The following NPHS1 variants were observed in gnomAD, a reference collection of about 807,000 sequenced individuals.
The protein encoded by NPHS1 is nephrin.
In NPHS1, 107 loss-of-function variants were observed where a neutral mutation model predicts 139.7. The observed-to-expected ratio is 0.77, with a 90% confidence interval of 0.66 to 0.90. The LOEUF is 0.90. Among genes scored for constraint, NPHS1 ranks in the 40% least tolerant of loss-of-function variants. The probability of loss-of-function intolerance (pLI) is 0.00; values close to 1 mark genes in which losing one functional copy is unlikely to be tolerated. For missense variants in NPHS1, 1,580 were observed against 1,654.2 expected, an observed-to-expected ratio of 0.96 and a Z score of 0.78; for synonymous variants, 707 against 706.6, an observed-to-expected ratio of 1.00 and a Z score of -0.01.
At position 35,842,259 on chromosome 19, in the gene NPHS1, G is replaced by T; in HGVS notation, c.2528C>A (p.Pro843His). Reference sequence around the variant, plus strand: ...TGCAGCCACCTTAGTTAGGGGAGTGGGGTGCTCCACCTGGGGGGCAACTGG... The same window carrying T: ...TGCAGCCACCTTAGTTAGGGGAGTGTGGTGCTCCACCTGGGGGGCAACTGG... ...VVRFAPQVEH[P>H]TPLTKVAAAG... The change falls in exon 19 of 29, where the codon CCC (proline) becomes CAC (histidine). Residue 843 changes from proline (P) to histidine (H), a missense_variant. By Grantham distance (77) the Pro-to-His change is moderately conservative. Coordinates refer to ENST00000378910, the MANE Select transcript of NPHS1 (RefSeq NM_004646.4). 6.2e-7 allele frequency: 1 copy of T among 1,613,102 alleles called. No individual in the cohort carries two copies.
At chr19:35,840,648 A>G (rs1973041939) in intron 20 of NPHS1, among the ~76,000 whole-genome samples, 1 of 147,798 alleles carries the variant, frequency 6.8e-6, no homozygotes. Flanking sequence ...GGTTTCTTTA[A>G]ACGTCTCATC....
chr19:35,848,883 A>T, intron 8 of NPHS1, 89 bp from the exon 9 acceptor site: 1 of 1,610,422 alleles, frequency 6.2e-7, no homozygotes, highest in African/African-American at 1.3e-5. Context: ...AGATGCTGAG[A>T]TCTTTGGCAT....
chr19:35,831,493 T>C lies in NPHS1; in HGVS notation c.3294A>G (p.Ser1098=), dbSNP rs1568449216. ...RRLRRLAEGI[S]EKTEAGSEED... ...CCACTTACCCTGCCTCTGTCTTCTCTGAGATGCCTGAAGGAAACAGGAATA... is the reference window on the plus strand; with the variant it reads ...CCACTTACCCTGCCTCTGTCTTCTCCGAGATGCCTGAAGGAAACAGGAATA... The change falls in exon 25 of 29, where the codon TCA becomes TCG. Residue 1098 remains serine, a synonymous_variant. Transcript: ENST00000378910. The C allele has an allele frequency of 6.2e-7, 1 of 1,613,788 alleles. No individual in the cohort carries two copies. The highest frequency in any genetic ancestry group is 8.5e-7 in the Non-Finnish European group (1 of 1,179,930).
At chr19:35,840,252 G>A (rs1414140897) in intron 20 of NPHS1, among the ~76,000 whole-genome samples, 2 of 151,614 alleles carry the variant, frequency 1.3e-5, no homozygotes, top group South Asian at 2.1e-4. Context: ...TGATCCACCC[G>A]CCTTGGCCTC....
intron 16 of NPHS1, 145 bp downstream of exon 16, chr19:35,843,958 G>T: frequency 8.5e-7 from 1 of 1,183,428 alleles, no homozygotes; most frequent in Non-Finnish European, 1.2e-6. Flanking sequence ...AGTGGGCGTG[G>T]TTACACCGCG....
chr19:35,851,396 G>T lies in NPHS1; in HGVS notation c.275-12C>A. 1 of 1,612,816 alleles carries T rather than the reference G, an allele frequency of 6.2e-7. No individual in the cohort carries two copies. Among genetic ancestry groups the T allele is most frequent in the Non-Finnish European group, 8.5e-7 (1 of 1,179,612 alleles). ...CAGGTGGAATTCACCTGCAGGGGGA[G>T]CCGGAAGTCAGGGCCGCAGCTTCCG... is the stretch of plus-strand genomic sequence containing the variant. On this transcript the variant is annotated splice_polypyrimidine_tract_variant and intron_variant, in intron 2 of 28. Transcript: ENST00000378910.
intron 28 of NPHS1, among the ~76,000 whole-genome samples, chr19:35,827,228 G>A (rs1359726125): frequency 1.3e-5 from 2 of 151,626 alleles, no homozygotes; most frequent in Non-Finnish European, 2.9e-5. Context: ...CGATCCACCC[G>A]TCTCAGCCTC....
At chr19:35,833,991 T>C (rs561829092) in intron 23 of NPHS1, among the ~76,000 whole-genome samples, 1 of 152,326 alleles carries the variant, frequency 6.6e-6, no homozygotes, top group African/African-American at 2.4e-5. Context: ...CATGAGCCAC[T>C]GTGCCCAGCC....
Position 35,835,715 on chromosome 19 carries a change from C to T in NPHS1, c.3156G>A (p.Glu1052=), listed in dbSNP as rs773815898. The T allele has an allele frequency of 6.2e-7, 1 of 1,613,578 alleles. No individual in the cohort carries two copies. Among genetic ancestry groups the T allele is most frequent in the Non-Finnish European group, 8.5e-7 (1 of 1,179,766 alleles). The change falls in exon 23 of 29, where the codon GAG becomes GAA. Residue 1052 remains glutamate (E), a synonymous_variant. Transcript: ENST00000378910. The stretch of plus-strand genomic sequence containing the variant: ...GGACTGAGGACTTGCCTGAAGGTGG[C>T]TCTGTGGGCAGCTGGTCTTCAGGTT... ...SGEPEDQLPT[E]PPSGPSGLPL...
chr19:35,832,361 TAGTG>T (rs1972895840), intron 23 of NPHS1, among the ~76,000 whole-genome samples: 1 of 152,030 alleles, frequency 6.6e-6, no homozygotes, highest in Non-Finnish European at 1.5e-5. Context: ...CTAGGCAACA[TAGTG>T]AGGCTGATTC....
chr19:35,847,638 G>A (rs899524213), intron 11 of NPHS1, among the ~76,000 whole-genome samples: 1 of 149,982 alleles, frequency 6.7e-6, no homozygotes, highest in South Asian at 2.1e-4. Flanking sequence ...TTACAGGCGT[G>A]AGCCACTGTG....
At chr19:35,847,308 G>C (rs893746780) in intron 11 of NPHS1, among the ~76,000 whole-genome samples, 1 of 143,268 alleles carries the variant, frequency 7.0e-6, no homozygotes, top group African/African-American at 2.6e-5. Context: ...GCCTCCCAAA[G>C]TGCTGGGATT....
chr19:35,844,928 C>T (rs1042319407), intron 14 of NPHS1, among the ~76,000 whole-genome samples: 1 of 152,100 alleles, frequency 6.6e-6, no homozygotes, highest in Non-Finnish European at 1.5e-5. Flanking sequence ...TGTTCAAGAT[C>T]GGCCCGGGCA....
At chr19:35,850,291 G>A in intron 5 of NPHS1, 73 bp downstream of exon 5, 1 of 1,178,932 alleles carries the variant, frequency 8.5e-7, no homozygotes, top group Non-Finnish European at 1.3e-6. Context: ...CTTCATGCTT[G>A]CATCCCTGGG....
In NPHS1 at chr19:35,842,288, G is replaced by T. The variant is rs1156261469; in HGVS notation, c.2507-8C>A. ...GCTCCACCTGGGGGGCAACTGGGAG[G>T]GGATGGGCAGTCAACATGAGCTATG... On this transcript the variant is annotated splice_polypyrimidine_tract_variant and splice_region_variant and intron_variant, in intron 18 of 28. Transcript: ENST00000378910. 5 of 1,612,344 alleles carry T rather than the reference G, an allele frequency of 3.1e-6. No homozygotes were observed. The highest frequency in any genetic ancestry group is 4.2e-6 in the Non-Finnish European group (5 of 1,180,008).
chr19:35,845,374 C>A lies in NPHS1; in HGVS notation c.1924G>T (p.Val642Leu), dbSNP rs751132284. 2.5e-6 allele frequency: 4 copies of A among 1,614,114 alleles called. No homozygotes were observed. Among genetic ancestry groups the A allele is most frequent in the South Asian group, 1.1e-5 (1 of 91,092 alleles). Residue 642 changes from valine (V) to leucine (L), a missense_variant, in exon 14 of 29, where the codon GTA becomes TTA. Physicochemically the swap from Val to Leu is conservative, Grantham distance 32. Transcript: ENST00000378910. The surrounding 1 kb of genome is among the most constrained non-coding windows in gnomAD (Gnocchi z 5.5). ...ETVSSFYRLNVLYRPEFLGEQ... is the reference protein window; with the variant it reads ...ETVSSFYRLNLLYRPEFLGEQ... ...TTCAGGCCGGGGCACATACACAGTACGTTGAGGCGATAGAAGGAGCTCACG... is the reference window on the plus strand; with the variant it reads ...TTCAGGCCGGGGCACATACACAGTAAGTTGAGGCGATAGAAGGAGCTCACG...
intron 9 of NPHS1, 37 bp from the exon 10 acceptor site, chr19:35,848,434 C>T: frequency 6.2e-7 from 1 of 1,613,888 alleles, no homozygotes; most frequent in Non-Finnish European, 8.5e-7. Flanking sequence ...GGGACTGCAG[C>T]ACCCCTATCC....
chr19:35,850,278 A>G (rs949822211), intron 5 of NPHS1, 86 bp downstream of exon 5: 2 of 1,065,520 alleles, frequency 1.9e-6, no homozygotes, highest in African/African-American at 3.1e-5. Flanking sequence ...TACCTAGCCC[A>G]AGCTTCATGC....
At position 35,845,227 on chromosome 19, in the gene NPHS1, G is replaced by A. The variant is rs1256842000; in HGVS notation, c.1930+141C>T. On this transcript the variant is annotated intron_variant, in intron 14 of 28. Coordinates refer to ENST00000378910, the MANE Select transcript of NPHS1 (RefSeq NM_004646.4). This position sits in a 1 kb window ranked among gnomAD's most constrained non-coding sequence, Gnocchi z 5.5. Reference sequence around the variant, plus strand: ...GGAGACTGCAGTGACCTATGATTGCGTCACTGCATTGCAGCCTGAGCGACA... The same window carrying A: ...GGAGACTGCAGTGACCTATGATTGCATCACTGCATTGCAGCCTGAGCGACA... 5.4e-6 allele frequency: 5 copies of A among 923,168 alleles called. No homozygotes were observed. Among genetic ancestry groups the A allele is most frequent in the Admixed American group, 2.1e-5 (1 of 47,668 alleles). 57.2% of individuals were successfully genotyped at this position (923,168 alleles called of 1,614,324 possible).
Sources: allele counts gnomAD v4.1 joint callset (sites outside exome capture counted in the v4.1 genomes callset), GRCh38; gene constraint gnomAD v4.1.1; non-coding constraint Gnocchi (gnomAD v3.1); transcripts MANE v1.5; gene names NCBI Gene and HGNC (gene_info 2026-07-23, HGNC 2026-07-21).